ATRNL1: variants seen among roughly 807,000 people sequenced by gnomAD.
The protein encoded by ATRNL1 is attractin like 1, also known as attractin-like protein 1.
In ATRNL1, 95 loss-of-function variants were observed where a neutral mutation model predicts 182.7. That is an observed-to-expected ratio of 0.52 (90% CI 0.44 to 0.62). ATRNL1 has a LOEUF of 0.62. Ranked by LOEUF, ATRNL1 falls within the 20% of genes least tolerant of loss-of-function variation. ATRNL1 has a pLI of 0.00. For synonymous variants in ATRNL1, 576 were observed against 568.3 expected (o/e 1.01, Z -0.19); for missense variants, 1,471 against 1,679.5 (o/e 0.88, Z 2.17).
rs1857795385 is a variant in ATRNL1 at position 115,621,942 on chromosome 10, A to G, written c.3795+72406A>G. Among the ~76,000 whole-genome samples, 3 of 152,220 alleles carry G rather than the reference A, an allele frequency of 2.0e-5. No homozygotes were observed. In the South Asian group the frequency reaches 6.2e-4, roughly 32 times the overall value. The stretch of plus-strand genomic sequence containing the variant: ...AGATCTCAAATAAAGTCAGCAGGAA[A>G]CATCTGCCAAAAATAGGGCATCTTG... On this transcript the variant is annotated intron_variant, in intron 26 of 28. Transcript: ENST00000355044.
intron 19 of ATRNL1, among the ~76,000 whole-genome samples, chr10:115,386,972 G>C (rs1316679946): frequency 2.6e-5 from 4 of 151,670 alleles, no homozygotes; most frequent in African/African-American, 9.7e-5. Flanking sequence ...GCACACGTAT[G>C]TTTATTGCGG....
At chr10:115,465,395 A>T (rs1447873892) in intron 22 of ATRNL1, among the ~76,000 whole-genome samples, 2 of 151,708 alleles carry the variant, frequency 1.3e-5, no homozygotes, top group Non-Finnish European at 3.0e-5. Flanking sequence ...CCCTGTCTGC[A>T]TGCTGACATA....
intron 26 of ATRNL1, among the ~76,000 whole-genome samples, chr10:115,673,141 G>C (rs1011395963): frequency 1.3e-5 from 2 of 152,176 alleles, no homozygotes; most frequent in Middle Eastern, 3.4e-3. Flanking sequence ...CATTCTGATG[G>C]AGATGCCCAG....
chr10:115,835,179 T>C lies in ATRNL1; in HGVS notation c.3904-12698T>C, dbSNP rs1344039774. On this transcript the variant is annotated intron_variant, in intron 27 of 28. Coordinates refer to ENST00000355044, the MANE Select transcript of ATRNL1 (RefSeq NM_207303.4). ...TTCTCTGCCATCCCTTTTGACACCT[T>C]ACAGAACCTTGGTGAGATTAATTAA... Among the ~76,000 whole-genome samples, 6 of 152,234 alleles carry C rather than the reference T, an allele frequency of 3.9e-5. No homozygotes were observed. In the East Asian group the frequency reaches 1.2e-3, roughly 29 times the overall value.
intron 28 of ATRNL1, among the ~76,000 whole-genome samples, chr10:115,920,358 C>T (rs782354274): frequency 1.3e-5 from 2 of 152,202 alleles, no homozygotes; most frequent in Admixed American, 6.5e-5. Flanking sequence ...GTCATCATTG[C>T]TGCTACTCAT....
chr10:115,204,581 A>C (rs2099974547), intron 8 of ATRNL1, among the ~76,000 whole-genome samples: 4 of 152,126 alleles, frequency 2.6e-5, no homozygotes, highest in Non-Finnish European at 5.9e-5. Context: ...AATGTGGTGT[A>C]TCACATTAAT....
At chr10:115,637,672 T>C (rs1034976600) in intron 26 of ATRNL1, among the ~76,000 whole-genome samples, 7 of 150,516 alleles carry the variant, frequency 4.7e-5, no homozygotes, top group African/African-American at 1.7e-4. Context: ...TCACCCAGGC[T>C]GGAGTGCAGT....
chr10:115,569,602 G>A (rs2133858742), intron 26 of ATRNL1, among the ~76,000 whole-genome samples: 1 of 152,198 alleles, frequency 6.6e-6, no homozygotes, highest in South Asian at 2.1e-4. Flanking sequence ...GTGTTCAAGG[G>A]TGGTATTTTC....
chr10:115,809,542 A>T (rs886560045), intron 27 of ATRNL1, among the ~76,000 whole-genome samples: 4 of 152,006 alleles, frequency 2.6e-5, no homozygotes, highest in Non-Finnish European at 5.9e-5. Context: ...TTGTACCTAA[A>T]TTTTTGATAC....
At chr10:115,102,268 T>C (rs1382509716) in intron 1 of ATRNL1, among the ~76,000 whole-genome samples, 1 of 152,208 alleles carries the variant, frequency 6.6e-6, no homozygotes, top group Non-Finnish European at 1.5e-5. Flanking sequence ...GAAAAGACTA[T>C]CCTTTTTTCA....
chr10:115,331,317 C>A (rs1564922449), intron 18 of ATRNL1, among the ~76,000 whole-genome samples: 1 of 152,194 alleles, frequency 6.6e-6, no homozygotes, highest in African/African-American at 2.4e-5. Flanking sequence ...GCCTCAGCTT[C>A]CCAGAGTGCT....
intron 25 of ATRNL1, among the ~76,000 whole-genome samples, chr10:115,537,777 G>C (rs1236383652): frequency 1.3e-5 from 2 of 152,042 alleles, no homozygotes; most frequent in African/African-American, 4.8e-5. Flanking sequence ...GAGTACAGTT[G>C]TGTGAGTTTT....
intron 21 of ATRNL1, among the ~76,000 whole-genome samples, chr10:115,456,639 A>T (rs1282311168): frequency 6.6e-6 from 1 of 152,172 alleles, no homozygotes; most frequent in Non-Finnish European, 1.5e-5. Flanking sequence ...ATAATAATAA[A>T]AAAATAAATT....
At chr10:115,617,280 A>G (rs1857484053) in intron 26 of ATRNL1, among the ~76,000 whole-genome samples, 1 of 152,072 alleles carries the variant, frequency 6.6e-6, no homozygotes, top group African/African-American at 2.4e-5. Flanking sequence ...CTTTTGGCCA[A>G]TTTCTCCATA....
At chr10:115,301,404 T>C (rs782820263) in intron 16 of ATRNL1, among the ~76,000 whole-genome samples, 2 of 152,240 alleles carry the variant, frequency 1.3e-5, no homozygotes, top group Admixed American at 6.5e-5. Flanking sequence ...AAGGCTGTGA[T>C]AAATATTGTA....
intron 26 of ATRNL1, among the ~76,000 whole-genome samples, chr10:115,670,181 T>C (rs1481218575): frequency 6.6e-6 from 1 of 152,072 alleles, no homozygotes; most frequent in Non-Finnish European, 1.5e-5. Context: ...GGAAATAATA[T>C]CCATATACAT....
intron 20 of ATRNL1, among the ~76,000 whole-genome samples, chr10:115,422,359 G>T (rs534140522): frequency 1.3e-5 from 2 of 151,908 alleles, no homozygotes; most frequent in African/African-American, 4.8e-5. Context: ...ACGAACAACC[G>T]CATTAAAAAG....
At chr10:115,731,741 T>A (rs1947803632) in intron 27 of ATRNL1, among the ~76,000 whole-genome samples, 2 of 151,726 alleles carry the variant, frequency 1.3e-5, no homozygotes, top group South Asian at 4.1e-4. Flanking sequence ...CAATTTTGGA[T>A]CCTGTCATCA....
chr10:115,824,091 T>C (rs1220145526), intron 27 of ATRNL1, among the ~76,000 whole-genome samples: 2 of 152,054 alleles, frequency 1.3e-5, no homozygotes, highest in Non-Finnish European at 2.9e-5. Context: ...TGTAGACCAA[T>C]GGAACAGAAC....
Sources: allele counts gnomAD v4.1 joint callset (sites outside exome capture counted in the v4.1 genomes callset), GRCh38; gene constraint gnomAD v4.1.1; transcripts MANE v1.5; gene names NCBI Gene and HGNC (gene_info 2026-07-23, HGNC 2026-07-21).